Variants in ARHGAP15 observed in about 807,000 individuals in gnomAD.
The protein encoded by ARHGAP15 is rho GTPase-activating protein 15.
A neutral mutation model predicts 63.7 loss-of-function variants in ARHGAP15; 51 were observed. The observed-to-expected ratio is 0.80, with a 90% confidence interval of 0.64 to 1.01. The LOEUF is 1.01. Ranked by LOEUF, ARHGAP15 falls within the 50% of genes least tolerant of loss-of-function variation. The pLI, the probability that ARHGAP15 is intolerant of heterozygous loss-of-function variation, is 0.00. For missense variants in ARHGAP15, 560 were observed against 564.6 expected (o/e 0.99, Z 0.08); for synonymous variants, 191 against 193.8 (o/e 0.99, Z 0.12).
intron 6 of ARHGAP15, among the ~76,000 whole-genome samples, chr2:143,260,264 G>C (rs1282677696): frequency 6.6e-6 from 1 of 152,148 alleles, no homozygotes; most frequent in African/African-American, 2.4e-5. Context: ...TCAAGCATCA[G>C]TGTATTAACT....
At chr2:143,530,398 T>G (rs1694469714) in intron 10 of ARHGAP15, among the ~76,000 whole-genome samples, 1 of 152,158 alleles carries the variant, frequency 6.6e-6, no homozygotes, top group Admixed American at 6.6e-5. Context: ...TTTCTCATTT[T>G]TAATAGGGAG....
At chr2:143,312,313 C>A (rs1287364181) in intron 6 of ARHGAP15, among the ~76,000 whole-genome samples, 1 of 152,172 alleles carries the variant, frequency 6.6e-6, no homozygotes, top group African/African-American at 2.4e-5. Context: ...TCTGATCCAT[C>A]TGAGAAGTAG....
At chr2:143,609,308 A>G (rs1443379488) in intron 11 of ARHGAP15, among the ~76,000 whole-genome samples, 1 of 152,162 alleles carries the variant, frequency 6.6e-6, no homozygotes, top group African/African-American at 2.4e-5. Flanking sequence ...TTGTACATCA[A>G]CCTTTTAAAT....
At chr2:143,536,132 C>G (rs1694745735) in intron 10 of ARHGAP15, among the ~76,000 whole-genome samples, 3 of 152,068 alleles carry the variant, frequency 2.0e-5, no homozygotes, top group East Asian at 3.8e-4. Context: ...TCCAATAGAT[C>G]CCTTGAAATT....
At chr2:143,684,976 G>A (rs1683263986) in intron 12 of ARHGAP15, among the ~76,000 whole-genome samples, 1 of 152,142 alleles carries the variant, frequency 6.6e-6, no homozygotes, top group Non-Finnish European at 1.5e-5. Flanking sequence ...ATAAAGACAA[G>A]ACAAATTATG....
At chr2:143,521,532 G>A (rs2104989207) in intron 10 of ARHGAP15, among the ~76,000 whole-genome samples, 1 of 152,222 alleles carries the variant, frequency 6.6e-6, no homozygotes, top group African/African-American at 2.4e-5. Flanking sequence ...GTTGGTATTA[G>A]GAAGTAGCAT....
At chr2:143,557,182 C>G (rs1574630511) in intron 11 of ARHGAP15, among the ~76,000 whole-genome samples, 1 of 152,064 alleles carries the variant, frequency 6.6e-6, no homozygotes, top group East Asian at 1.9e-4. Flanking sequence ...ACACAAAAAC[C>G]TATACACAAA....
intron 11 of ARHGAP15, among the ~76,000 whole-genome samples, chr2:143,569,637 G>A (rs77479836): frequency 0.014 from 2,113 of 152,286 alleles, 37 homozygotes; most frequent in African/African-American, 0.048. Context: ...TTAGAAGCTT[G>A]GCTTTTATTC....
chr2:143,682,767 T>A (rs531443055), intron 12 of ARHGAP15: 5 of 152,312 alleles, frequency 3.3e-5, no homozygotes, highest in African/African-American at 9.6e-5. Flanking sequence ...TCCTATATAC[T>A]TTGCTAATTT....
At chr2:143,588,342 G>A (rs1232828512) in intron 11 of ARHGAP15, among the ~76,000 whole-genome samples, 2 of 152,146 alleles carry the variant, frequency 1.3e-5, no homozygotes, top group East Asian at 1.9e-4. Context: ...TTTGTGAGTA[G>A]AAGAGACAGG....
chr2:143,762,555 C>T (rs1686797539), intron 13 of ARHGAP15, among the ~76,000 whole-genome samples: 1 of 152,156 alleles, frequency 6.6e-6, no homozygotes. Flanking sequence ...AAATTCCTAA[C>T]ATTTTCAGAC....
intron 10 of ARHGAP15, among the ~76,000 whole-genome samples, chr2:143,529,048 T>C (rs992986143): frequency 6.6e-6 from 1 of 152,162 alleles, no homozygotes; most frequent in African/African-American, 2.4e-5. Flanking sequence ...TTACTCAAGC[T>C]GTTTTTTTCC....
intron 12 of ARHGAP15, among the ~76,000 whole-genome samples, chr2:143,658,690 T>G (rs1189448053): frequency 6.6e-6 from 1 of 152,340 alleles, no homozygotes; most frequent in South Asian, 2.1e-4. Flanking sequence ...TAATGCTGAT[T>G]GCAGCATTGT....
chr2:143,308,478 AC>A (rs1180386918), intron 6 of ARHGAP15, among the ~76,000 whole-genome samples: 4 of 6,190 alleles, frequency 6.5e-4, no homozygotes, highest in African/African-American at 3.1e-3. Context: ...TTGATAAGAA[AC>A]ACACACACAC....
intron 9 of ARHGAP15, among the ~76,000 whole-genome samples, chr2:143,505,062 C>G (rs1693247362): frequency 6.6e-6 from 1 of 152,212 alleles, no homozygotes; most frequent in African/African-American, 2.4e-5. Context: ...GTCTGAGGCT[C>G]TTTCCTCAAC....
chr2:143,493,407 G>A (rs1692673400), intron 9 of ARHGAP15, among the ~76,000 whole-genome samples: 1 of 152,152 alleles, frequency 6.6e-6, no homozygotes, highest in Non-Finnish European at 1.5e-5. Flanking sequence ...ATCCATGGGT[G>A]GCATGCTGTG....
chr2:143,259,668 T>C (rs1334288741), intron 6 of ARHGAP15, among the ~76,000 whole-genome samples: 1 of 152,202 alleles, frequency 6.6e-6, no homozygotes, highest in Non-Finnish European at 1.5e-5. Context: ...AAAATATAAA[T>C]GTGGACATCC....
intron 6 of ARHGAP15, among the ~76,000 whole-genome samples, chr2:143,356,165 T>TTGC (rs1254050364): frequency 4.6e-5 from 7 of 152,162 alleles, no homozygotes; most frequent in African/African-American, 1.7e-4. Flanking sequence ...TAATAACCTT[T>TTGC]TGCATGTACC....
At chr2:143,576,188 T>C (rs1696675647) in intron 11 of ARHGAP15, among the ~76,000 whole-genome samples, 1 of 152,144 alleles carries the variant, frequency 6.6e-6, no homozygotes, top group Admixed American at 6.6e-5. Context: ...AGGTGGATGC[T>C]TATGTGCCAC....
Sources: allele counts gnomAD v4.1 joint callset (sites outside exome capture counted in the v4.1 genomes callset), GRCh38; gene constraint gnomAD v4.1.1; transcripts MANE v1.5; gene names NCBI Gene and HGNC (gene_info 2026-07-23, HGNC 2026-07-21).